The following N4BP2 variants were observed in gnomAD, a reference collection of about 807,000 sequenced individuals.
N4BP2 encodes the protein NEDD4 binding protein 2.
In N4BP2, 91 loss-of-function variants were observed where a neutral mutation model predicts 152.8. That is an observed-to-expected ratio of 0.60 (90% CI 0.50 to 0.71). N4BP2 has a LOEUF of 0.71. Ranked by LOEUF, N4BP2 falls within the 30% of genes least tolerant of loss-of-function variation. The pLI is 0.00. For synonymous variants in N4BP2, 646 were observed against 705.3 expected (o/e 0.92, Z 1.33); for missense variants, 1,923 against 2,059.1 (o/e 0.93, Z 1.28).
chr4:40,073,766 G>T (rs1712450266), intron 2 of N4BP2, among the ~76,000 whole-genome samples: 2 of 149,292 alleles, frequency 1.3e-5, no homozygotes, highest in Non-Finnish European at 3.0e-5. Flanking sequence ...GCTAATTTTT[G>T]TATTTTTTGG....
intron 1 of N4BP2, among the ~76,000 whole-genome samples, chr4:40,057,892 T>C (rs1472525580): frequency 6.6e-6 from 1 of 152,172 alleles, no homozygotes; most frequent in Non-Finnish European, 1.5e-5. Context: ...GGATCTGATA[T>C]TTGTGGCACG....
intron 5 of N4BP2, among the ~76,000 whole-genome samples, chr4:40,108,186 G>A (rs1450419366): frequency 6.6e-6 from 1 of 151,970 alleles, no homozygotes; most frequent in Non-Finnish European, 1.5e-5. Flanking sequence ...TGCCTAACTC[G>A]GCCTCTGAAA....
chr4:40,162,856 A>C (rs145636040), downstream of N4BP2, among the ~76,000 whole-genome samples: 299 of 152,280 alleles, frequency 2.0e-3, no homozygotes, highest in African/African-American at 6.8e-3. Flanking sequence ...TAGCATGGCC[A>C]AGTACAAGTC....
In N4BP2 at chr4:40,112,127, T is replaced by A. The variant is rs746076947; in HGVS notation, c.1542T>A (p.Asp514Glu). The change falls in exon 6 of 18, where the codon GAT becomes GAA. Residue 514 changes from aspartate (D) to glutamate (E), a missense_variant. Coordinates refer to ENST00000261435, the MANE Select transcript of N4BP2 (RefSeq NM_018177.6). ...FEKKISPIII[D>E]NTNLQAWEMK... ...AGAAGATATCTCCTATAATTATAGA[T>A]AATACAAACCTACAGGCATGGGAAA... 2.5e-6 allele frequency: 4 copies of A among 1,574,416 alleles called. No individual in the cohort carries two copies. The highest frequency in any genetic ancestry group is 3.5e-6 in the Non-Finnish European group (4 of 1,156,066).
At chr4:40,144,169 C>T (rs575083445) in intron 15 of N4BP2, among the ~76,000 whole-genome samples, 1 of 152,164 alleles carries the variant, frequency 6.6e-6, no homozygotes, top group Admixed American at 6.5e-5. Flanking sequence ...TTGTCTTAGC[C>T]AGCCTCCAGC....
intron 16 of N4BP2, among the ~76,000 whole-genome samples, chr4:40,147,103 G>A (rs1235117923): frequency 4.0e-5 from 6 of 149,660 alleles, no homozygotes; most frequent in African/African-American, 1.5e-4. Context: ...ATTAGGGATT[G>A]GTGATGACTC....
chr4:40,075,550 A>AC (rs1712648209), intron 2 of N4BP2, among the ~76,000 whole-genome samples: 1 of 152,068 alleles, frequency 6.6e-6, no homozygotes, highest in African/African-American at 2.4e-5. Context: ...GGTGCATGCC[A>AC]CCATGCCTGG....
chr4:40,060,778 A>AT (rs200089607), intron 1 of N4BP2, among the ~76,000 whole-genome samples: 1,797 of 150,306 alleles, frequency 0.012, 47 homozygotes, highest in African/African-American at 0.041. Flanking sequence ...CATTTTTAAA[A>AT]TTTTTTTGTA....
At chr4:40,088,404 C>T (rs1286602328) in intron 2 of N4BP2, among the ~76,000 whole-genome samples, 1 of 152,072 alleles carries the variant, frequency 6.6e-6, no homozygotes, top group Admixed American at 6.6e-5. Context: ...CCATCAGCAA[C>T]CATAAGTGAT....
Position 40,121,745 on chromosome 4 carries a change from G to A in N4BP2, c.3634G>A (p.Glu1212Lys). ...GGCGGAAATGAGAGCTGTCACTCCTGAAAACCATGAATCGATGACAAGTAT... is the reference window on the plus strand; with the variant it reads ...GGCGGAAATGAGAGCTGTCACTCCTAAAAACCATGAATCGATGACAAGTAT... The part of the protein sequence containing the change: ...EQAEMRAVTP[E>K]NHESMTSIFP... The change falls in exon 9 of 18, where the codon GAA becomes AAA. Residue 1212 changes from glutamate (E) to lysine (K), a missense_variant. Physicochemically the swap from Glu to Lys is moderately conservative, Grantham distance 56. Transcript: ENST00000261435. 1 of 1,613,972 alleles carries A rather than the reference G, an allele frequency of 6.2e-7. No individual in the cohort carries two copies. Among genetic ancestry groups the A allele is most frequent in the Non-Finnish European group, 8.5e-7 (1 of 1,179,974 alleles).
rs767015013 is a variant in N4BP2, at chr4:40,120,982, C to T, written c.2871C>T (p.Thr957=). 1.9e-6 allele frequency: 3 copies of T among 1,614,136 alleles called. No homozygotes were observed. Among genetic ancestry groups the T allele is most frequent in the Non-Finnish European group, 1.7e-6 (2 of 1,180,036 alleles). The change falls in exon 9 of 18, where the codon ACC becomes ACT. Residue 957 remains threonine (T), a synonymous_variant. Coordinates refer to ENST00000261435, the MANE Select transcript of N4BP2 (RefSeq NM_018177.6). The stretch of plus-strand genomic sequence containing the variant: ...CTGAAATGCTGCTCAGTGAAATGAC[C>T]TGTGAGAGTCAGACTTGTCTAAGTA... ...GSSEMLLSEM[T]CESQTCLSKK... is the part of the protein sequence containing the mutation.
chr4:40,097,193 T>C (rs1056859101), intron 2 of N4BP2, 34 bp from the exon 3 acceptor site: 1 of 623,874 alleles, frequency 1.6e-6, no homozygotes, highest in African/African-American at 1.8e-5. Context: ...GAAATATATA[T>C]AGTCTGAGTG....
At chr4:40,170,624 G>A in the N4BP2 span, among the ~76,000 whole-genome samples, 1 of 152,090 alleles carries the variant, frequency 6.6e-6, no homozygotes, top group Non-Finnish European at 1.5e-5. Flanking sequence ...GGGTGACCAA[G>A]TGAGACCCTG....
chr4:40,117,850 T>C lies in N4BP2; in HGVS notation c.1665-19T>C, dbSNP rs757024838. Reference sequence around the variant, plus strand: ...ATTATCAATATTCCTTCAACCCTTTTTTCCCCTGGAATTTTCAGGCGTAAC... The same window carrying C: ...ATTATCAATATTCCTTCAACCCTTTCTTCCCCTGGAATTTTCAGGCGTAAC... On this transcript the variant is annotated intron_variant, in intron 7 of 17. Transcript: ENST00000261435. The C allele has an allele frequency of 2.5e-6, 4 of 1,585,386 alleles. No homozygotes were observed. Among genetic ancestry groups the C allele is most frequent in the Middle Eastern group, 1.7e-4 (1 of 5,876 alleles).
chr4:40,118,210 G>A (rs936303212), intron 8 of N4BP2, among the ~76,000 whole-genome samples, 186 bp downstream of exon 8: 9 of 152,158 alleles, frequency 5.9e-5, no homozygotes, highest in African/African-American at 2.2e-4. Context: ...CCTGAGGTCA[G>A]GAGTTCGAGA....
At chr4:40,091,341 A>G (rs568351993) in intron 2 of N4BP2, among the ~76,000 whole-genome samples, 1 of 151,564 alleles carries the variant, frequency 6.6e-6, no homozygotes. Context: ...CTTTTTCCTG[A>G]TGTTAGGAGG....
chr4:40,145,494 A>C (rs1009153296), intron 16 of N4BP2, among the ~76,000 whole-genome samples: 1 of 152,128 alleles, frequency 6.6e-6, no homozygotes, highest in Non-Finnish European at 1.5e-5. Flanking sequence ...AAAGTGAGCT[A>C]CTGCTCCTAG....
intron 13 of N4BP2, among the ~76,000 whole-genome samples, chr4:40,132,446 T>C (rs1187096590): frequency 6.6e-6 from 1 of 152,188 alleles, no homozygotes; most frequent in African/African-American, 2.4e-5. Context: ...ATAAATGAGC[T>C]AGAGATTTAA....
chr4:40,092,371 T>A (rs1247074898), intron 2 of N4BP2, among the ~76,000 whole-genome samples: 1 of 151,800 alleles, frequency 6.6e-6, no homozygotes, highest in Non-Finnish European at 1.5e-5. Context: ...TGAGTTTTGA[T>A]TCTTTGTGGT....
Sources: allele counts gnomAD v4.1 joint callset (sites outside exome capture counted in the v4.1 genomes callset), GRCh38; gene constraint gnomAD v4.1.1; transcripts MANE v1.5; gene names NCBI Gene and HGNC (gene_info 2026-07-23, HGNC 2026-07-21).